The following JMY variants were observed in gnomAD, a reference collection of about 807,000 sequenced individuals.
The protein encoded by JMY is junction-mediating and -regulatory protein.
Under a neutral mutation model 103.3 loss-of-function variants are expected in JMY, and 46 were observed. The ratio of observed to expected loss-of-function variants is 0.45; its 90% CI spans 0.35 to 0.57. The LOEUF (loss-of-function observed/expected upper bound fraction) is 0.57, where lower values mean the gene tolerates loss of function less well. Ranked by LOEUF, JMY falls within the 20% of genes least tolerant of loss-of-function variation. The pLI, the probability that JMY is intolerant of heterozygous loss-of-function variation, is 0.00. For missense variants in JMY, 1,238 were observed against 1,255.2 expected (o/e 0.99, Z 0.21); for synonymous variants, 526 against 489.3 (o/e 1.07, Z -0.99).
At position 79,306,436 on chromosome 5, in the gene JMY, A is replaced by G; in HGVS notation, c.1943A>G (p.Tyr648Cys). The G allele has an allele frequency of 1.2e-6, 2 of 1,612,780 alleles. No homozygotes were observed. Among genetic ancestry groups the G allele is most frequent in the Non-Finnish European group, 1.7e-6 (2 of 1,178,876 alleles). The change falls in exon 7 of 11, where the codon TAT (tyrosine) becomes TGT (cysteine). Residue 648 changes from tyrosine (Y) to cysteine (C), a missense_variant. Coordinates refer to ENST00000396137, the MANE Select transcript of JMY (RefSeq NM_152405.5). ...CAGCGCACTCGGATTGAAGATGAAT[A>G]TAGAACCCATCACACAGTACAACTA... is the stretch of plus-strand genomic sequence containing the variant. ...IQQRTRIEDE[Y>C]RTHHTVQLKR...
chr5:79,264,429 A>G (rs953169217), intron 1 of JMY, among the ~76,000 whole-genome samples: 1 of 150,964 alleles, frequency 6.6e-6, no homozygotes, highest in Non-Finnish European at 1.5e-5. Flanking sequence ...TGGTCTCACT[A>G]TGTTGCCCAG....
chr5:79,280,965 T>C (rs1196670087), intron 2 of JMY, among the ~76,000 whole-genome samples: 2 of 151,764 alleles, frequency 1.3e-5, no homozygotes, highest in Non-Finnish European at 2.9e-5. Flanking sequence ...TATAATTGAT[T>C]AGCAAAGTAG....
Position 79,300,273 on chromosome 5 carries a change from T to C in JMY, c.1648T>C (p.Leu550=), listed in dbSNP as rs201718647. ...VQFEILKCEE[L]LLTAQLESIK... ...GTTTGAAATCTTGAAGTGTGAAGAGTTACTATTGACAGCGCAACTAGAAAG... is the reference window on the plus strand; with the variant it reads ...GTTTGAAATCTTGAAGTGTGAAGAGCTACTATTGACAGCGCAACTAGAAAG... Residue 550 remains leucine (L), a synonymous_variant, in exon 5 of 11, where the codon TTA becomes CTA. Transcript: ENST00000396137. The C allele has an allele frequency of 3.1e-6, 5 of 1,595,860 alleles. No homozygotes were observed. The highest frequency in any genetic ancestry group is 4.3e-6 in the Non-Finnish European group (5 of 1,172,744).
At chr5:79,244,720 G>T (rs971375784) in intron 1 of JMY, among the ~76,000 whole-genome samples, 3 of 151,800 alleles carry the variant, frequency 2.0e-5, no homozygotes, top group Non-Finnish European at 4.4e-5. Context: ...AAAAGGCCAG[G>T]ACCTGCTTCC....
At chr5:79,299,778 AATAGCCCCGTCATTTTC>A (rs540272459) in intron 4 of JMY, among the ~76,000 whole-genome samples, 1,544 of 152,318 alleles carry the variant, frequency 0.01, 6 homozygotes, top group Middle Eastern at 0.031. Context: ...AATATCTGAG[AATAGCCCCGTCATTTTC>A]ATATATCTCT....
intron 1 of JMY, among the ~76,000 whole-genome samples, chr5:79,239,257 T>G (rs966572846): frequency 1.3e-5 from 2 of 152,184 alleles, no homozygotes; most frequent in African/African-American, 4.8e-5. Flanking sequence ...CAGGGATCTG[T>G]TTTTATTTCC....
intron 2 of JMY, among the ~76,000 whole-genome samples, chr5:79,288,992 T>C (rs1174721228): frequency 6.6e-6 from 1 of 151,934 alleles, no homozygotes; most frequent in Non-Finnish European, 1.5e-5. Flanking sequence ...CCCAGCACTT[T>C]GGGAGGCTGT....
intron 2 of JMY, among the ~76,000 whole-genome samples, chr5:79,281,322 G>T (rs1355825098): frequency 6.6e-6 from 1 of 150,440 alleles, no homozygotes; most frequent in Non-Finnish European, 1.5e-5. Flanking sequence ...GGGATTACAG[G>T]CGTGAGTCAC....
In JMY at chr5:79,238,930, TG is replaced by T. The variant is rs1744649126; in HGVS notation, c.1032+1251del. ...CGCCCGCCTCGGCCTCCCAAAGTGC[TG>T]GGATTACAGGCGTGAGCCACTGTGC... On this transcript the variant is annotated intron_variant, in intron 1 of 10. Coordinates refer to ENST00000396137, the MANE Select transcript of JMY (RefSeq NM_152405.5). 3.3e-5 allele frequency among the ~76,000 whole-genome samples: 5 copies of T among 152,348 alleles called. 1 individual carries two copies. In the South Asian group the frequency reaches 1.0e-3, roughly 32 times the overall value.
chr5:79,295,096 A>G (rs963038929), intron 4 of JMY, among the ~76,000 whole-genome samples: 11 of 152,150 alleles, frequency 7.2e-5, no homozygotes, highest in African/African-American at 2.7e-4. Flanking sequence ...TTCGTCAAGT[A>G]TTTATTGAGC....
chr5:79,326,065 G>C lies in JMY; in HGVS notation c.*4463G>C, dbSNP rs1208042879. 6.6e-6 allele frequency: 1 copy of C among 152,194 alleles called. No individual in the cohort carries two copies. The highest frequency in any genetic ancestry group is 1.9e-4 in the East Asian group (1 of 5,202). The allele number at this position is 152,194 out of a possible 1,614,324, so 9.4% of individuals were successfully genotyped here. On this transcript the variant is annotated 3_prime_UTR_variant, in exon 11 of 11. Transcript: ENST00000396137. Reference sequence around the variant, plus strand: ...CCTTCTGCAGAGACATTATGCCACTGTAAGGTGCATGTACAGAAAATACCT... The same window carrying C: ...CCTTCTGCAGAGACATTATGCCACTCTAAGGTGCATGTACAGAAAATACCT...
In JMY at chr5:79,322,974, AAAG is replaced by A. The variant is rs999483548; in HGVS notation, c.*1375_*1377del. 7 of 152,246 alleles carry A rather than the reference AAAG, an allele frequency of 4.6e-5. No homozygotes were observed. The highest frequency in any genetic ancestry group is 2.0e-4 in the Admixed American group (3 of 15,288). The allele number at this position is 152,246 out of a possible 1,614,324, so 9.4% of individuals were successfully genotyped here. ...TATGAATTGGTATTCCTAGAGAAAA[AAAG>A]AAATGCTCACACCTTTGTTATTTTA... On this transcript the variant is annotated 3_prime_UTR_variant, in exon 11 of 11. Transcript: ENST00000396137.
At chr5:79,269,245 T>C (rs1745672713) in intron 1 of JMY, among the ~76,000 whole-genome samples, 1 of 152,204 alleles carries the variant, frequency 6.6e-6, no homozygotes, top group Non-Finnish European at 1.5e-5. Context: ...TGTTAAAAGA[T>C]CATTTAACTG....
rs530413168 is a variant in JMY, at chr5:79,256,588, T to C, written c.1032+18906T>C. 4.6e-5 allele frequency among the ~76,000 whole-genome samples: 7 copies of C among 152,286 alleles called. No individual in the cohort carries two copies. In the South Asian group the frequency reaches 1.5e-3, roughly 32 times the overall value. On this transcript the variant is annotated intron_variant, in intron 1 of 10. Transcript: ENST00000396137. Reference sequence around the variant, plus strand: ...CCCTTAGCTAACTTAAAAAATGTTTTTTAGGGATGGAGTCTGTGTTATCCA... The same window carrying C: ...CCCTTAGCTAACTTAAAAAATGTTTCTTAGGGATGGAGTCTGTGTTATCCA...
At chr5:79,312,538 T>C (rs776711045) in intron 8 of JMY, 40 bp downstream of exon 8, 9 of 1,230,914 alleles carry the variant, frequency 7.3e-6, no homozygotes, top group Non-Finnish European at 1.0e-5. Flanking sequence ...TTTCTTTTTT[T>C]TTTTTTTTTA....
At chr5:79,296,496 A>T (rs1746567319) in intron 4 of JMY, among the ~76,000 whole-genome samples, 2 of 152,194 alleles carry the variant, frequency 1.3e-5, no homozygotes, top group African/African-American at 4.8e-5. Context: ...GACCCTTTAA[A>T]AAAAAGATAT....
At chr5:79,319,415 A>G (rs1045427809) in intron 10 of JMY, among the ~76,000 whole-genome samples, 2 of 152,210 alleles carry the variant, frequency 1.3e-5, no homozygotes, top group African/African-American at 4.8e-5. Flanking sequence ...AGCAAACCAT[A>G]GACTAGTATG....
intron 2 of JMY, among the ~76,000 whole-genome samples, chr5:79,287,439 T>C (rs1365866333): frequency 6.6e-6 from 1 of 152,222 alleles, no homozygotes; most frequent in East Asian, 1.9e-4. Context: ...AATCGACTAA[T>C]TACGGATCTT....
chr5:79,304,236 G>A (rs1284228118), intron 6 of JMY, among the ~76,000 whole-genome samples: 1 of 152,154 alleles, frequency 6.6e-6, no homozygotes, highest in Non-Finnish European at 1.5e-5. Flanking sequence ...ATAAGGAAGG[G>A]TGGTGAAAAG....
Sources: allele counts gnomAD v4.1 joint callset (sites outside exome capture counted in the v4.1 genomes callset), GRCh38; gene constraint gnomAD v4.1.1; transcripts MANE v1.5; gene names NCBI Gene and HGNC (gene_info 2026-07-23, HGNC 2026-07-21).